ARID2: variants seen among roughly 807,000 people sequenced by gnomAD.
The protein encoded by ARID2 is AT-rich interactive domain-containing protein 2.
A neutral mutation model predicts 184.6 loss-of-function variants in ARID2; 32 were observed. That is an observed-to-expected ratio of 0.17 (90% CI 0.13 to 0.23). ARID2 has a LOEUF of 0.23. ARID2 is among the 10% of genes least tolerant of loss of function. The pLI, the probability that ARID2 is intolerant of heterozygous loss-of-function variation, is 1.00. For missense variants in ARID2, 1,696 were observed against 2,197.6 expected (o/e 0.77, Z 4.56); for synonymous variants, 836 against 772.6 (o/e 1.08, Z -1.36).
At position 45,883,693 on chromosome 12, in the gene ARID2, T is replaced by C. The variant is rs144954813; in HGVS notation, c.4923-8087T>C. On this transcript the variant is annotated intron_variant, in intron 16 of 20. Transcript: ENST00000334344. ...CATAGAAGGAGAAAATCAGGTCTTT[T>C]ATGTTAGACATACCAGGTTTCAAAT... Among the ~76,000 whole-genome samples, 1,226 of 151,908 alleles carry C rather than the reference T, an allele frequency of 8.1e-3. 6 individuals are homozygous for C. Among genetic ancestry groups the C allele is most frequent in the Middle Eastern group, 0.014 (4 of 294 alleles).
intron 18 of ARID2, among the ~76,000 whole-genome samples, chr12:45,893,191 G>A (rs1168764968): frequency 6.6e-6 from 1 of 152,190 alleles, no homozygotes; most frequent in Non-Finnish European, 1.5e-5. Flanking sequence ...CTTTAAAATT[G>A]ATAGATTGGA....
At chr12:45,757,411 T>C (rs1303746540) in intron 3 of ARID2, among the ~76,000 whole-genome samples, 1 of 152,190 alleles carries the variant, frequency 6.6e-6, no homozygotes, top group Admixed American at 6.5e-5. Context: ...TACGTATCAC[T>C]CACAGGGTAA....
At chr12:45,791,937 T>A (rs1164063756) in intron 3 of ARID2, among the ~76,000 whole-genome samples, 1 of 152,160 alleles carries the variant, frequency 6.6e-6, no homozygotes, top group Non-Finnish European at 1.5e-5. Flanking sequence ...CCCTCTTTCA[T>A]TCTTAACATT....
chr12:45,777,222 A>G (rs1942001479), intron 3 of ARID2, among the ~76,000 whole-genome samples: 1 of 152,084 alleles, frequency 6.6e-6, no homozygotes, highest in Admixed American at 6.5e-5. Context: ...GAAGTCTAAA[A>G]ATATATTCTA....
At chr12:45,791,594 T>C (rs1942291368) in intron 3 of ARID2, among the ~76,000 whole-genome samples, 1 of 152,150 alleles carries the variant, frequency 6.6e-6, no homozygotes. Context: ...AGATTGTTGA[T>C]TGATTGATTG....
intron 11 of ARID2, among the ~76,000 whole-genome samples, chr12:45,844,111 C>T (rs879839431): frequency 1.3e-5 from 2 of 152,122 alleles, no homozygotes; most frequent in Non-Finnish European, 2.9e-5. Context: ...GAACCTGGCT[C>T]ACTGTAGTGT....
intron 6 of ARID2, among the ~76,000 whole-genome samples, chr12:45,830,465 TCAAGCC>T (rs1943096069): frequency 6.6e-6 from 1 of 152,042 alleles, no homozygotes; most frequent in Non-Finnish European, 1.5e-5. Context: ...GTAGAGACAG[TCAAGCC>T]CTTTTGCCTC....
intron 3 of ARID2, among the ~76,000 whole-genome samples, chr12:45,795,607 T>A (rs1468167809): frequency 6.6e-6 from 1 of 151,972 alleles, no homozygotes; most frequent in Non-Finnish European, 1.5e-5. Context: ...TAATTTTTTT[T>A]TGTATTTTTT....
chr12:45,768,963 G>A (rs1224909826), intron 3 of ARID2, among the ~76,000 whole-genome samples: 1 of 152,188 alleles, frequency 6.6e-6, no homozygotes, highest in East Asian at 1.9e-4. Flanking sequence ...ATCCAAGGCT[G>A]TGCCTCCTGA....
rs148586858 is a variant in ARID2 at position 45,736,843 on chromosome 12, G to A, written c.284+5529G>A. On this transcript the variant is annotated intron_variant, in intron 3 of 20. Transcript: ENST00000334344. ...CTTTATTTTGCTAATGTGTATTGTG[G>A]ATCTCTAGACATTTTGGGGAAACAT... is the stretch of plus-strand genomic sequence containing the variant. Among the ~76,000 whole-genome samples the A allele has an allele frequency of 8.9e-3, 1,352 of 152,248 alleles. 26 individuals are homozygous for A. The highest frequency in any genetic ancestry group is 0.031 in the African/African-American group (1,301 of 41,530).
At chr12:45,773,114 TA>T (rs777896285) in intron 3 of ARID2, among the ~76,000 whole-genome samples, 30 of 151,980 alleles carry the variant, frequency 2.0e-4, no homozygotes, top group Non-Finnish European at 3.8e-4. Flanking sequence ...TTGGGAAACT[TA>T]AAAATATGTA....
intron 4 of ARID2, 86 bp downstream of exon 4, chr12:45,811,637 T>G: frequency 7.0e-7 from 1 of 1,434,252 alleles, no homozygotes; most frequent in Non-Finnish European, 9.4e-7. Flanking sequence ...AGTCCCTTCC[T>G]TTGCACATGA....
At chr12:45,784,557 A>G (rs1942159778) in intron 3 of ARID2, among the ~76,000 whole-genome samples, 4 of 152,114 alleles carry the variant, frequency 2.6e-5, no homozygotes, top group Admixed American at 1.3e-4. Flanking sequence ...AGCTACTTTC[A>G]GGGGGCTGAG....
chr12:45,796,247 T>G, intron 3 of ARID2, among the ~76,000 whole-genome samples: 1 of 151,940 alleles, frequency 6.6e-6, no homozygotes, highest in Admixed American at 6.5e-5. Flanking sequence ...TACTGTATGA[T>G]TTTTTTCTAA....
chr12:45,736,411 G>A (rs995488552), intron 3 of ARID2, among the ~76,000 whole-genome samples: 5 of 151,680 alleles, frequency 3.3e-5, no homozygotes, highest in Admixed American at 2.0e-4. Context: ...CAAACTGAAT[G>A]AAATTAGAAG....
chr12:45,811,794 C>G (rs1462880461), intron 4 of ARID2, among the ~76,000 whole-genome samples: 1 of 151,956 alleles, frequency 6.6e-6, no homozygotes, highest in South Asian at 2.1e-4. Context: ...ATGATTTTTC[C>G]TTATTGCTCT....
intron 15 of ARID2, 111 bp downstream of exon 15, chr12:45,853,007 G>C: frequency 7.1e-7 from 1 of 1,411,940 alleles, no homozygotes; most frequent in Non-Finnish European, 9.2e-7. Context: ...TACTGTATCA[G>C]CTCACTTGTA....
chr12:45,846,787 T>TA (rs111639825), intron 11 of ARID2, 69 bp from the exon 12 acceptor site: 148 of 1,455,020 alleles, frequency 1.0e-4, no homozygotes, highest in Non-Finnish European at 1.3e-4. Flanking sequence ...TCAATATCCA[T>TA]AAAAAAAAGT....
intron 4 of ARID2, among the ~76,000 whole-genome samples, chr12:45,816,088 G>C (rs760815847): frequency 6.6e-6 from 1 of 152,094 alleles, no homozygotes; most frequent in African/African-American, 2.4e-5. Flanking sequence ...AAACTGCCCC[G>C]TTAGGATTCA....
Sources: allele counts gnomAD v4.1 joint callset (sites outside exome capture counted in the v4.1 genomes callset), GRCh38; gene constraint gnomAD v4.1.1; transcripts MANE v1.5; gene names NCBI Gene and HGNC (gene_info 2026-07-23, HGNC 2026-07-21).